Variants in ROBO2 observed in about 807,000 individuals in gnomAD.
ROBO2 encodes roundabout homolog 2.
A neutral mutation model predicts 160.8 loss-of-function variants in ROBO2; 53 were observed. The ratio of observed to expected loss-of-function variants is 0.33; its 90% CI spans 0.26 to 0.41. The LOEUF (loss-of-function observed/expected upper bound fraction) is 0.41. Ranked by LOEUF, ROBO2 falls within the 10% of genes least tolerant of loss-of-function variation. The pLI, the probability that ROBO2 is intolerant of heterozygous loss-of-function variation, is 1.00. For synonymous variants in ROBO2, 664 were observed against 611.7 expected (o/e 1.09, Z -1.26); for missense variants, 1,577 against 1,722.4 (o/e 0.92, Z 1.49).
At chr3:76,567,101 T>G (rs1300594697) in intron 2 of ROBO2, among the ~76,000 whole-genome samples, 3 of 152,138 alleles carry the variant, frequency 2.0e-5, no homozygotes, top group Non-Finnish European at 2.9e-5. Context: ...AAAGCTGTGA[T>G]CAGCAAATAA....
At chr3:76,394,236 T>G (rs549116456) in intron 2 of ROBO2, among the ~76,000 whole-genome samples, 4 of 152,298 alleles carry the variant, frequency 2.6e-5, no homozygotes, top group African/African-American at 9.6e-5. Context: ...GGTCTTTACA[T>G]TTTGTCATGA....
At chr3:77,024,905 T>C (rs946924306) in intron 2 of ROBO2, among the ~76,000 whole-genome samples, 6 of 152,020 alleles carry the variant, frequency 3.9e-5, no homozygotes, top group African/African-American at 1.4e-4. Flanking sequence ...AAGACACAAG[T>C]ATTAGTGAAA....
At chr3:76,398,415 T>G (rs1343252940) in intron 2 of ROBO2, among the ~76,000 whole-genome samples, 1 of 151,862 alleles carries the variant, frequency 6.6e-6, no homozygotes, top group Non-Finnish European at 1.5e-5. Flanking sequence ...GCATGGCACA[T>G]GTATACATAT....
At chr3:76,251,868 A>G (rs918870049) in intron 2 of ROBO2, among the ~76,000 whole-genome samples, 4 of 152,122 alleles carry the variant, frequency 2.6e-5, no homozygotes, top group African/African-American at 9.7e-5. Context: ...ACTCGGTGTC[A>G]TCAATATAGC....
intron 2 of ROBO2, among the ~76,000 whole-genome samples, chr3:76,700,121 C>T (rs1356226501): frequency 1.3e-5 from 2 of 152,110 alleles, no homozygotes; most frequent in Non-Finnish European, 2.9e-5. Context: ...CCACAATCCT[C>T]ACACTCCTCT....
At chr3:77,428,805 T>A (rs1358104523) in intron 2 of ROBO2, among the ~76,000 whole-genome samples, 1 of 152,202 alleles carries the variant, frequency 6.6e-6, no homozygotes, top group Admixed American at 6.5e-5. Flanking sequence ...ATCTATTGCA[T>A]GCCAAGATTA....
intron 2 of ROBO2, among the ~76,000 whole-genome samples, chr3:77,191,511 TTTTGGCA>T (rs1299437494): frequency 1.3e-5 from 2 of 152,234 alleles, no homozygotes; most frequent in African/African-American, 4.8e-5. Flanking sequence ...ACCATCTTGC[TTTTGGCA>T]TTTACCATTT....
At chr3:76,106,551 G>A (rs958751093) in intron 2 of ROBO2, among the ~76,000 whole-genome samples, 1 of 151,676 alleles carries the variant, frequency 6.6e-6, no homozygotes, top group Non-Finnish European at 1.5e-5. Context: ...GAAGGGTTTC[G>A]AGCCATGGAT....
intron 2 of ROBO2, among the ~76,000 whole-genome samples, chr3:76,456,084 A>G (rs545831957): frequency 6.6e-6 from 1 of 152,304 alleles, no homozygotes; most frequent in Admixed American, 6.5e-5. Context: ...GCATATTGAT[A>G]GTTATCAATG....
At chr3:76,672,546 C>T (rs955131298) in intron 2 of ROBO2, among the ~76,000 whole-genome samples, 1 of 152,044 alleles carries the variant, frequency 6.6e-6, no homozygotes, top group Admixed American at 6.6e-5. Context: ...ATATGAGAAA[C>T]ATAAGTAAAA....
intron 2 of ROBO2, among the ~76,000 whole-genome samples, chr3:76,509,852 CT>C (rs2080989128): frequency 6.6e-6 from 1 of 152,130 alleles, no homozygotes; most frequent in East Asian, 1.9e-4. Flanking sequence ...AAATCTGAAA[CT>C]TTTTGAGTGC....
At chr3:77,640,269 A>G (rs1476408675) in intron 24 of ROBO2, among the ~76,000 whole-genome samples, 1 of 151,244 alleles carries the variant, frequency 6.6e-6, no homozygotes, top group South Asian at 2.1e-4. Flanking sequence ...CCGCCACCAC[A>G]CTCGGGTAAT....
intron 2 of ROBO2, among the ~76,000 whole-genome samples, chr3:76,268,341 A>G (rs1364635242): frequency 6.6e-6 from 1 of 152,192 alleles, no homozygotes; most frequent in Non-Finnish European, 1.5e-5. Context: ...TTCTTTCAAC[A>G]AAGTATATTA....
intron 2 of ROBO2, among the ~76,000 whole-genome samples, chr3:76,676,168 G>A (rs932227475): frequency 6.6e-6 from 1 of 152,014 alleles, no homozygotes; most frequent in Admixed American, 6.6e-5. Context: ...ATTGTAATCC[G>A]AATTATAATC....
At chr3:76,192,381 CT>C (rs1210761223) in intron 2 of ROBO2, among the ~76,000 whole-genome samples, 1 of 151,974 alleles carries the variant, frequency 6.6e-6, no homozygotes, top group East Asian at 1.9e-4. Flanking sequence ...TCCTTTCAAG[CT>C]TATTCTTGTT....
intron 2 of ROBO2, among the ~76,000 whole-genome samples, chr3:76,977,759 T>C (rs1467062447): frequency 6.6e-6 from 1 of 152,178 alleles, no homozygotes; most frequent in Non-Finnish European, 1.5e-5. Flanking sequence ...TGCCGTACTT[T>C]GTTTTGATGT....
chr3:77,642,901 G>A (rs1290030280), intron 24 of ROBO2: 1 of 456,618 alleles, frequency 2.2e-6, no homozygotes, highest in Non-Finnish European at 4.4e-6. Flanking sequence ...AGAACGACAA[G>A]AAGATATACG....
At chr3:76,682,598 G>A (rs2092592297) in intron 2 of ROBO2, among the ~76,000 whole-genome samples, 1 of 152,024 alleles carries the variant, frequency 6.6e-6, no homozygotes, top group Non-Finnish European at 1.5e-5. Flanking sequence ...AGTAGAGACG[G>A]GATTTCACCA....
intron 2 of ROBO2, among the ~76,000 whole-genome samples, chr3:76,236,837 G>T (rs1042444692): frequency 3.3e-5 from 5 of 152,004 alleles, no homozygotes; most frequent in African/African-American, 1.2e-4. Context: ...GATAACGTAA[G>T]ATCTGGTAGG....
Sources: gnomAD v4.1 joint callset for allele counts (sites outside exome capture counted in the v4.1 genomes callset) on GRCh38, gnomAD v4.1.1 for gene constraint, MANE v1.5 for transcripts, NCBI Gene and HGNC (gene_info 2026-07-23, HGNC 2026-07-21) for gene names.